The following RBM33 variants were observed in gnomAD, a reference collection of about 807,000 sequenced individuals.
The protein encoded by RBM33 is RNA-binding protein 33.
A neutral mutation model predicts 132.6 loss-of-function variants in RBM33; 28 were observed. That is an observed-to-expected ratio of 0.21 (90% CI 0.16 to 0.29). The LOEUF is 0.29. Ranked by LOEUF, RBM33 falls within the 10% of genes least tolerant of loss-of-function variation. RBM33 has a pLI of 1.00. For missense variants in RBM33, 1,291 were observed against 1,518.5 expected (o/e 0.85, Z 2.49); for synonymous variants, 634 against 593.0 (o/e 1.07, Z -1.01).
chr7:155,688,610 G>C (rs1388960392), intron 5 of RBM33, among the ~76,000 whole-genome samples: 2 of 152,038 alleles, frequency 1.3e-5, no homozygotes, highest in Non-Finnish European at 2.9e-5. Context: ...ATTGGCTGTG[G>C]GTTTGTCATA....
chr7:155,773,246 G>A (rs1364290073), intron 16 of RBM33, among the ~76,000 whole-genome samples: 2 of 152,166 alleles, frequency 1.3e-5, no homozygotes, highest in African/African-American at 2.4e-5. Context: ...GCCCATGCCA[G>A]GACCTGCCCA....
Position 155,771,356 on chromosome 7 carries a change from A to G in RBM33, c.3376-3203A>G, listed in dbSNP as rs150997926. Among the ~76,000 whole-genome samples, 179 of 152,356 alleles carry G rather than the reference A, an allele frequency of 1.2e-3. 1 individual carries two copies. The highest frequency in any genetic ancestry group is 4.2e-3 in the African/African-American group (174 of 41,578). ...AAATGGTTGAATATTGACAATTTCT[A>G]CAATTTTGTATCTAGAAAACAGGGT... is the stretch of plus-strand genomic sequence containing the variant. On this transcript the variant is annotated intron_variant, in intron 16 of 17. Coordinates refer to ENST00000401878, the MANE Select transcript of RBM33 (RefSeq NM_053043.3).
intron 8 of RBM33, among the ~76,000 whole-genome samples, chr7:155,715,060 A>C (rs965646758): frequency 6.6e-6 from 1 of 152,056 alleles, no homozygotes; most frequent in East Asian, 1.9e-4. Flanking sequence ...GTGTTCCCCC[A>C]AAGTTTTTCC....
chr7:155,779,350 A>T lies in RBM33; in HGVS notation c.*4309A>T, dbSNP rs1585564801. ...TGCAGGGCAGGAAAGGTTCGGAGGC[A>T]CCCGACTACCACCACTCGGAAAGCC... On this transcript the variant is annotated 3_prime_UTR_variant, in exon 18 of 18. Transcript: ENST00000401878. The T allele has an allele frequency of 6.6e-6, 1 of 152,048 alleles. No homozygotes were observed. Among genetic ancestry groups the T allele is most frequent in the South Asian group, 2.1e-4 (1 of 4,826 alleles). The allele number at this position is 152,048 out of a possible 1,614,324, so 9.4% of individuals were successfully genotyped here. A position where few individuals can be genotyped will look rare whatever the true frequency, so the allele number is the denominator to read the frequency against.
intron 14 of RBM33, among the ~76,000 whole-genome samples, chr7:155,747,524 A>G (rs1421195970): frequency 6.6e-6 from 1 of 152,258 alleles, no homozygotes; most frequent in Non-Finnish European, 1.5e-5. Context: ...TTTTACACTC[A>G]TAAACAGCTT....
chr7:155,774,346 G>T lies in RBM33; in HGVS notation c.3376-213G>T, dbSNP rs1802535761. On this transcript the variant is annotated intron_variant, in intron 16 of 17. Coordinates refer to ENST00000401878, the MANE Select transcript of RBM33 (RefSeq NM_053043.3). This position sits in a 1 kb window ranked among gnomAD's most constrained non-coding sequence, Gnocchi z 4.2. ...AGGCTTGGAAGATGTAACTGTTGCT[G>T]TTGGGAATGATTTAGTAAAGCACTG... 6.6e-6 allele frequency among the ~76,000 whole-genome samples: 1 copy of T among 152,314 alleles called. No homozygotes were observed. The highest frequency in any genetic ancestry group is 3.4e-3 in the Middle Eastern group (1 of 294).
At chr7:155,662,924 A>T (rs1411094580) in intron 1 of RBM33, among the ~76,000 whole-genome samples, 6 of 151,990 alleles carry the variant, frequency 3.9e-5, no homozygotes, top group Non-Finnish European at 1.5e-5. Flanking sequence ...AGCATTACTG[A>T]GTTTCAAGGA....
chr7:155,778,756 T>C lies in RBM33; in HGVS notation c.*3715T>C, dbSNP rs962625092. The C allele has an allele frequency of 2.0e-5, 3 of 152,408 alleles. No homozygotes were observed. Among genetic ancestry groups the C allele is most frequent in the African/African-American group, 7.2e-5 (3 of 41,428 alleles). 9.4% of individuals were successfully genotyped at this position (152,408 alleles called of 1,614,324 possible). A position where few individuals can be genotyped will look rare whatever the true frequency, so the allele number is the denominator to read the frequency against. On this transcript the variant is annotated 3_prime_UTR_variant, in exon 18 of 18. Transcript: ENST00000401878. This position sits in a 1 kb window ranked among gnomAD's most constrained non-coding sequence, Gnocchi z 4.0. The stretch of plus-strand genomic sequence containing the variant: ...TTGTTTTCTTTTGGCTTTTGTTGTT[T>C]TTGTTTTGTTCTGTTTGTTTTGTTT...
chr7:155,777,900 A>G lies in RBM33; in HGVS notation c.*2859A>G, dbSNP rs1257060896. 3 of 152,702 alleles carry G rather than the reference A, an allele frequency of 2.0e-5. No individual in the cohort carries two copies. Among genetic ancestry groups the G allele is most frequent in the African/African-American group, 7.2e-5 (3 of 41,480 alleles). 9.5% of individuals were successfully genotyped at this position (152,702 alleles called of 1,614,324 possible). A position where few individuals can be genotyped will look rare whatever the true frequency, so the allele number is the denominator to read the frequency against. On this transcript the variant is annotated 3_prime_UTR_variant, in exon 18 of 18. Transcript: ENST00000401878. ...TAAAGGTCGTAAATATCAGTATCTC[A>G]TAAGGTAAACCAATAGCTGATTATG...
intron 9 of RBM33, among the ~76,000 whole-genome samples, chr7:155,721,437 G>A (rs1003529851): frequency 6.6e-6 from 1 of 152,014 alleles, no homozygotes; most frequent in Non-Finnish European, 1.5e-5. Context: ...TTTACTTGTT[G>A]TATTCAAGAA....
intron 3 of RBM33, among the ~76,000 whole-genome samples, chr7:155,673,570 ACATACACACGTG>A (rs1799026899): frequency 2.2e-5 from 2 of 92,314 alleles, no homozygotes; most frequent in South Asian, 7.0e-4. Context: ...ACACACATAT[ACATACACACGTG>A]TATATATATA....
intron 1 of RBM33, among the ~76,000 whole-genome samples, chr7:155,657,342 A>G (rs1189210759): frequency 6.6e-6 from 1 of 152,196 alleles, no homozygotes. Flanking sequence ...CTAGCTGTCC[A>G]TCAGAATTAG....
intron 3 of RBM33, among the ~76,000 whole-genome samples, chr7:155,676,606 A>C (rs1182701163): frequency 6.6e-6 from 1 of 152,190 alleles, no homozygotes; most frequent in Non-Finnish European, 1.5e-5. Flanking sequence ...GATTGAGAGA[A>C]AGGATTTCAC....
rs1006525992 is a variant in RBM33, at chr7:155,678,599, T to C, written c.172-9T>C. On this transcript the variant is annotated splice_polypyrimidine_tract_variant and intron_variant, in intron 3 of 17. Coordinates refer to ENST00000401878, the MANE Select transcript of RBM33 (RefSeq NM_053043.3). ...GACACACATTAATTATATTTCTTAT[T>C]TTAATTAGAATCAGTCGGATTTGTC... The C allele has an allele frequency of 7.3e-6, 11 of 1,505,010 alleles. No homozygotes were observed. The highest frequency in any genetic ancestry group is 9.1e-6 in the Non-Finnish European group (10 of 1,103,384). The allele number at this position is 1,505,010 out of a possible 1,614,324, so 93.2% of individuals were successfully genotyped here. A position where few individuals can be genotyped will look rare whatever the true frequency, so the allele number is the denominator to read the frequency against.
chr7:155,690,460 C>T (rs1799604380), intron 5 of RBM33, among the ~76,000 whole-genome samples: 1 of 152,116 alleles, frequency 6.6e-6, no homozygotes, highest in Non-Finnish European at 1.5e-5. Flanking sequence ...GCATTTAGCC[C>T]ATTTACATTT....
At chr7:155,665,846 A>G (rs1383057877) in intron 2 of RBM33, among the ~76,000 whole-genome samples, 3 of 152,214 alleles carry the variant, frequency 2.0e-5, no homozygotes, top group South Asian at 4.1e-4. Flanking sequence ...GGAGAAATAC[A>G]CAGTGGGGCT....
At chr7:155,731,818 C>G (rs1442032642) in intron 9 of RBM33, among the ~76,000 whole-genome samples, 1 of 152,102 alleles carries the variant, frequency 6.6e-6, no homozygotes, top group Admixed American at 6.5e-5. Flanking sequence ...CAGTAAGATA[C>G]AATCATGGAA....
intron 9 of RBM33, among the ~76,000 whole-genome samples, chr7:155,736,827 A>G (rs1207816383): frequency 7.2e-5 from 11 of 152,232 alleles, no homozygotes; most frequent in Admixed American, 5.9e-4. Flanking sequence ...TTAATGGGAA[A>G]TAGGCCAATA....
chr7:155,725,325 G>A (rs1163188942), intron 9 of RBM33, among the ~76,000 whole-genome samples: 1 of 150,564 alleles, frequency 6.6e-6, no homozygotes, highest in Non-Finnish European at 1.5e-5. Context: ...TGTTCAGCCT[G>A]TGGAGCAAAA....
Sources: gnomAD v4.1 joint callset for allele counts (sites outside exome capture counted in the v4.1 genomes callset) on GRCh38, gnomAD v4.1.1 for gene constraint, Gnocchi (gnomAD v3.1) non-coding constraint, MANE v1.5 for transcripts, NCBI Gene and HGNC (gene_info 2026-07-23, HGNC 2026-07-21) for gene names.